Variants in USH2A observed in about 807,000 individuals in gnomAD.
The protein encoded by USH2A is usherin.
In USH2A, 443 loss-of-function variants were observed where a neutral mutation model predicts 538.9. The observed-to-expected ratio is 0.82, with a 90% CI of 0.76 to 0.89. The LOEUF (loss-of-function observed/expected upper bound fraction) is 0.89. Among genes scored for constraint, USH2A ranks in the 40% least tolerant of loss-of-function variants. The probability of loss-of-function intolerance (pLI) is 0.00; values close to 1 mark genes in which losing one functional copy is unlikely to be tolerated. For synonymous variants in USH2A, 2,413 were observed against 2,273.5 expected, an observed-to-expected ratio of 1.06 and a Z score of -1.75; for missense variants, 6,633 against 6,324.8, an observed-to-expected ratio of 1.05 and a Z score of -1.65.
chr1:215,771,823 A>T (rs190210790), intron 55 of USH2A, among the ~76,000 whole-genome samples: 1 of 152,190 alleles, frequency 6.6e-6, no homozygotes, highest in Admixed American at 6.5e-5. Context: ...ATATCTATAA[A>T]CTGTAGGCAT....
chr1:216,048,113 T>G (rs1318479132), intron 31 of USH2A, among the ~76,000 whole-genome samples: 1 of 152,164 alleles, frequency 6.6e-6, no homozygotes, highest in Non-Finnish European at 1.5e-5. Flanking sequence ...TGTTTAGCAG[T>G]TAAAAAAGAC....
intron 61 of USH2A, among the ~76,000 whole-genome samples, chr1:215,692,797 G>A (rs1407682541): frequency 6.6e-6 from 1 of 152,066 alleles, no homozygotes; most frequent in East Asian, 1.9e-4. Flanking sequence ...CCTTCTAAGT[G>A]AAGGGTGCAG....
chr1:215,962,588 A>G (rs987185231), intron 37 of USH2A, among the ~76,000 whole-genome samples: 1 of 152,060 alleles, frequency 6.6e-6, no homozygotes, highest in East Asian at 1.9e-4. Context: ...TCATTAGTAT[A>G]AAATGTTGCA....
At chr1:215,786,371 A>G (rs1661798660) in intron 52 of USH2A, among the ~76,000 whole-genome samples, 1 of 152,206 alleles carries the variant, frequency 6.6e-6, no homozygotes, top group Non-Finnish European at 1.5e-5. Context: ...TGAAAAAGGA[A>G]ATTGGATTTA....
chr1:216,091,215 T>G (rs2032293683), intron 22 of USH2A, among the ~76,000 whole-genome samples: 1 of 152,192 alleles, frequency 6.6e-6, no homozygotes, highest in Non-Finnish European at 1.5e-5. Context: ...TTGGAACATA[T>G]CAGACACATT....
At chr1:216,172,608 C>T (rs1396620084) in intron 21 of USH2A, among the ~76,000 whole-genome samples, 1 of 152,048 alleles carries the variant, frequency 6.6e-6, no homozygotes, top group Non-Finnish European at 1.5e-5. Context: ...CATAACACTT[C>T]AGCCCATTTC....
chr1:215,893,196 A>G (rs1035146516), intron 40 of USH2A, among the ~76,000 whole-genome samples: 2 of 152,184 alleles, frequency 1.3e-5, no homozygotes, highest in African/African-American at 4.8e-5. Flanking sequence ...AGACAACAAG[A>G]TTAAATGAAT....
At chr1:215,761,478 G>A (rs1311621100) in intron 56 of USH2A, among the ~76,000 whole-genome samples, 2 of 151,904 alleles carry the variant, frequency 1.3e-5, no homozygotes, top group African/African-American at 4.8e-5. Flanking sequence ...CTCTTACTTT[G>A]ATGCAAAGTT....
intron 48 of USH2A, among the ~76,000 whole-genome samples, chr1:215,815,474 GTTCT>G (rs1473545857): frequency 1.3e-5 from 2 of 151,388 alleles, no homozygotes; most frequent in Non-Finnish European, 2.9e-5. Flanking sequence ...AAACTAACCG[GTTCT>G]TTGTCATTCA....
rs1054261375 is a variant in USH2A, at chr1:215,713,303, C to T, written c.12066+14727G>A. 5.9e-5 allele frequency among the ~76,000 whole-genome samples: 9 copies of T among 152,140 alleles called. No individual in the cohort carries two copies. The South Asian group carries it at 1.9e-3, about 32-fold the overall frequency. The stretch of plus-strand genomic sequence containing the variant: ...AGAGGTGCTGCCTCTCTGCGGGAGG[C>T]ACTATTAGGCATAACCTCCTGAAGG... On this transcript the variant is annotated intron_variant, in intron 61 of 71. Transcript: ENST00000307340.
chr1:216,213,025 G>C (rs143573668), intron 15 of USH2A, among the ~76,000 whole-genome samples: 3 of 151,970 alleles, frequency 2.0e-5, no homozygotes, highest in Non-Finnish European at 4.4e-5. Context: ...ATAACATTGC[G>C]CAATTATACT....
At chr1:216,157,056 T>C (rs2033960786) in intron 21 of USH2A, among the ~76,000 whole-genome samples, 1 of 152,058 alleles carries the variant, frequency 6.6e-6, no homozygotes, top group Non-Finnish European at 1.5e-5. Flanking sequence ...GTATTTTTAG[T>C]AGAGACAGGG....
At chr1:215,826,779 T>TAAGACAGCTCCATA (rs1358736122) in intron 47 of USH2A, among the ~76,000 whole-genome samples, 2 of 152,130 alleles carry the variant, frequency 1.3e-5, no homozygotes, top group Non-Finnish European at 2.9e-5. Flanking sequence ...CTAATTGGAT[T>TAAGACAGCTCCATA]AAGACAGCTC....
intron 62 of USH2A, among the ~76,000 whole-genome samples, chr1:215,678,884 C>G (rs937857400): frequency 2.6e-5 from 4 of 152,160 alleles, no homozygotes; most frequent in Non-Finnish European, 2.9e-5. Flanking sequence ...AGTCAATATT[C>G]TTATTGTCAA....
At chr1:216,041,827 C>G (rs1219660180) in intron 32 of USH2A, among the ~76,000 whole-genome samples, 2 of 151,186 alleles carry the variant, frequency 1.3e-5, no homozygotes, top group Admixed American at 1.3e-4. Context: ...CTTTAAAATG[C>G]AAATTAAAAT....
intron 30 of USH2A, among the ~76,000 whole-genome samples, chr1:216,050,218 C>T (rs2030699279): frequency 6.6e-6 from 1 of 152,208 alleles, no homozygotes; most frequent in African/African-American, 2.4e-5. Flanking sequence ...GGCACCCATG[C>T]TCAAGCCAGA....
intron 38 of USH2A, among the ~76,000 whole-genome samples, chr1:215,931,974 G>C (rs1483579227): frequency 6.6e-6 from 1 of 151,940 alleles, no homozygotes; most frequent in Non-Finnish European, 1.5e-5. Flanking sequence ...GATTAAACGG[G>C]TAAAGGGGAT....
chr1:216,208,523 G>C (rs2035169751), intron 15 of USH2A, among the ~76,000 whole-genome samples: 1 of 152,064 alleles, frequency 6.6e-6, no homozygotes, highest in South Asian at 2.1e-4. Context: ...AAGTAACTTG[G>C]GGAGAGCTCA....
At chr1:216,327,548 T>C in intron 5 of USH2A, 43 bp downstream of exon 5, 1 of 1,603,408 alleles carries the variant, frequency 6.2e-7, no homozygotes, top group Admixed American at 1.7e-5. Flanking sequence ...ATTCAGCATT[T>C]ATCCTTTCGG....
Sources: gnomAD v4.1 joint callset for allele counts (sites outside exome capture counted in the v4.1 genomes callset) on GRCh38, gnomAD v4.1.1 for gene constraint, MANE v1.5 for transcripts, NCBI Gene and HGNC (gene_info 2026-07-23, HGNC 2026-07-21) for gene names.